DMD: variants seen among roughly 807,000 people sequenced by gnomAD.
DMD encodes mutant dystrophin.
In DMD, 63 loss-of-function variants were observed where a neutral mutation model predicts 330.1. That is an observed-to-expected ratio of 0.19 (90% confidence interval 0.16 to 0.24). The LOEUF is 0.24. Ranked by LOEUF, DMD falls within the 10% of genes least tolerant of loss-of-function variation. DMD has a pLI of 1.00. For synonymous variants in DMD, 1,223 were observed against 959.8 expected (o/e 1.27, Z -5.07); for missense variants, 3,344 against 2,684.1 (o/e 1.25, Z -5.43).
chrX:33,161,850 A>G (rs949927678), intron 1 of DMD, among the ~76,000 whole-genome samples: 6 of 112,368 alleles, frequency 5.3e-5, no homozygotes, highest in African/African-American at 9.7e-5. Flanking sequence ...AAGTTGTTAA[A>G]TTACTAAGTT....
chrX:33,009,688 G>GTGTGTATACGTATATGTGTATATA (rs1491431751), intron 2 of DMD, among the ~76,000 whole-genome samples: 1,947 of 33,151 alleles, frequency 0.059, 613 homozygotes, highest in African/African-American at 0.27. Context: ...ATGTGTATAT[G>GTGTGTATACGTATATGTGTATATA]CACATATGTG....
At chrX:32,131,423 A>C (rs958011914) in intron 44 of DMD, among the ~76,000 whole-genome samples, 8 of 111,372 alleles carry the variant, frequency 7.2e-5, no homozygotes, top group Non-Finnish European at 5.7e-5. Flanking sequence ...CCTGAAGTTT[A>C]GAAGGGGTAA....
intron 29 of DMD, among the ~76,000 whole-genome samples, chrX:32,418,974 A>G (rs904695649): frequency 3.8e-4 from 36 of 94,410 alleles, no homozygotes; most frequent in Non-Finnish European, 6.6e-4. Flanking sequence ...CTCTGTCTCA[A>G]AAAAAAAAAA....
chrX:32,120,198 A>G (rs888973559), intron 44 of DMD, among the ~76,000 whole-genome samples: 4 of 110,909 alleles, frequency 3.6e-5, no homozygotes, highest in African/African-American at 1.3e-4. Context: ...AAGAATTCCA[A>G]CCTTTTCATT....
chrX:31,191,014 T>A (rs2042290457), intron 67 of DMD, among the ~76,000 whole-genome samples: 1 of 111,797 alleles, frequency 8.9e-6, no homozygotes. Context: ...AGCCCCAAAC[T>A]AGAAGTCACA....
At chrX:31,249,569 A>G (rs1229088319) in intron 63 of DMD, among the ~76,000 whole-genome samples, 2 of 111,686 alleles carry the variant, frequency 1.8e-5, no homozygotes, top group Non-Finnish European at 3.8e-5. Flanking sequence ...CAAACAACAC[A>G]GTACAAAATG....
chrX:32,716,865 G>C lies in DMD; in HGVS notation c.650-17572C>G, dbSNP rs183607133. Among the ~76,000 whole-genome samples the C allele has an allele frequency of 2.7e-5, 3 of 111,764 alleles. No homozygotes were observed. The East Asian group carries it at 8.5e-4, about 32-fold the overall frequency. ...TGGCAGCATTGTGCCCCTGCTCTAG[G>C]TATGTGTGGAACTTTTAACTTGAGA... On this transcript the variant is annotated intron_variant, in intron 7 of 78. Coordinates refer to ENST00000357033, the MANE Select transcript of DMD (RefSeq NM_004006.3).
At chrX:33,154,918 A>G (rs1243897268) in intron 1 of DMD, among the ~76,000 whole-genome samples, 1 of 112,015 alleles carries the variant, frequency 8.9e-6, no homozygotes, top group Non-Finnish European at 1.9e-5. Flanking sequence ...TGACATTCTT[A>G]TTTTTAGTGA....
At chrX:32,602,708 T>G (rs778364011) in intron 12 of DMD, among the ~76,000 whole-genome samples, 1 of 111,622 alleles carries the variant, frequency 9.0e-6, no homozygotes, top group East Asian at 2.8e-4. Flanking sequence ...TACTGCTTAC[T>G]CTATGTTTGA....
In DMD at chrX:33,096,512, T is replaced by A. The variant is rs184671959; in HGVS notation, c.32-76312A>T. Among the ~76,000 whole-genome samples, 1,032 of 106,173 alleles carry A rather than the reference T, an allele frequency of 9.7e-3. 11 individuals carry two copies. Among genetic ancestry groups the A allele is most frequent in the African/African-American group, 0.034 (967 of 28,640 alleles). 92.2% of individuals were successfully genotyped at this position (106,173 alleles called of 115,157 possible). Reference sequence around the variant, plus strand: ...TATTTTGGAGACGACTTTTTTTTTTTTTATTTTTTTGAGACAGAGTTTTGC... The same window carrying A: ...TATTTTGGAGACGACTTTTTTTTTTATTATTTTTTTGAGACAGAGTTTTGC... On this transcript the variant is annotated intron_variant, in intron 1 of 78. Transcript: ENST00000357033.
intron 52 of DMD, among the ~76,000 whole-genome samples, chrX:31,721,746 C>A (rs1257341062): frequency 4.5e-5 from 3 of 67,174 alleles, no homozygotes; most frequent in African/African-American, 5.9e-5. Context: ...ATATATATAT[C>A]TCCTAATTAT....
chrX:33,282,184 A>G, intron 1 of DMD, among the ~76,000 whole-genome samples: 1 of 111,275 alleles, frequency 9.0e-6, no homozygotes, highest in African/African-American at 3.3e-5. Context: ...TTTCTGAACC[A>G]GGTCACTTAT....
chrX:32,584,949 T>C lies in DMD; in HGVS notation c.1602+10808A>G, dbSNP rs969774507. 4.5e-5 allele frequency among the ~76,000 whole-genome samples: 5 copies of C among 111,861 alleles called. 1 individual carries two copies. The Admixed American group carries it at 4.8e-4, about 11-fold the overall frequency. ...GTACCATAAAGTTTGCATTTTTTTT[T>C]CAGAACCATCAACAGATAAACAGAT... On this transcript the variant is annotated intron_variant, in intron 13 of 78. Coordinates refer to ENST00000357033, the MANE Select transcript of DMD (RefSeq NM_004006.3).
At chrX:31,577,196 G>A (rs532401209) in intron 55 of DMD, among the ~76,000 whole-genome samples, 4 of 112,235 alleles carry the variant, frequency 3.6e-5, no homozygotes, top group South Asian at 7.3e-4. Flanking sequence ...CACATTAATC[G>A]CAACCATATA....
At chrX:32,666,728 C>T (rs1202995743) in intron 9 of DMD, among the ~76,000 whole-genome samples, 1 of 108,159 alleles carries the variant, frequency 9.2e-6, no homozygotes, top group East Asian at 2.9e-4. Flanking sequence ...ACTTGGGAGG[C>T]TGAGGAAGTA....
intron 1 of DMD, among the ~76,000 whole-genome samples, chrX:33,124,441 A>G (rs1463767412): frequency 1.2e-5 from 1 of 83,786 alleles, no homozygotes; most frequent in Admixed American, 1.7e-4. Flanking sequence ...GTGCCACTGC[A>G]CTCCAGCCTG....
intron 55 of DMD, among the ~76,000 whole-genome samples, chrX:31,594,297 T>C (rs1256987441): frequency 4.5e-5 from 5 of 110,031 alleles, no homozygotes; most frequent in East Asian, 2.8e-4. Flanking sequence ...ACCATTGCAA[T>C]AGACAAATTA....
intron 52 of DMD, among the ~76,000 whole-genome samples, chrX:31,727,187 C>A (rs191906451): frequency 1.2e-4 from 14 of 112,245 alleles, no homozygotes; most frequent in Admixed American, 3.8e-4. Flanking sequence ...ATAAACCTCA[C>A]TGCCAAATTT....
intron 7 of DMD, among the ~76,000 whole-genome samples, chrX:32,769,625 G>A (rs1234765004): frequency 8.9e-6 from 1 of 111,824 alleles, no homozygotes; most frequent in Non-Finnish European, 1.9e-5. Flanking sequence ...TGTTTCTGAT[G>A]ATTTAAATAA....
Sources: allele counts gnomAD v4.1 joint callset (sites outside exome capture counted in the v4.1 genomes callset), GRCh38; gene constraint gnomAD v4.1.1; transcripts MANE v1.5; gene names NCBI Gene and HGNC (gene_info 2026-07-23, HGNC 2026-07-21).